Variants in JAM2 observed in about 807,000 individuals in gnomAD.
JAM2 encodes the protein junctional adhesion molecule 2.
JAM2 carries 17 observed loss-of-function variants against 42.0 expected under a neutral mutation model. The ratio of observed to expected loss-of-function variants is 0.40; its 90% CI spans 0.28 to 0.61. JAM2 has a LOEUF of 0.61. JAM2 is among the 20% of genes least tolerant of loss of function. The pLI is 0.37. For missense variants in JAM2, 319 were observed against 358.3 expected (o/e 0.89, Z 0.89); for synonymous variants, 118 against 128.6 (o/e 0.92, Z 0.56).
intron 7 of JAM2, 69 bp from the exon 8 acceptor site, chr21:25,709,365 A>C: frequency 1.2e-6 from 1 of 818,932 alleles, no homozygotes; most frequent in Admixed American, 2.2e-5. Flanking sequence ...ACCCAAACTC[A>C]TTTTTATATG....
At chr21:25,652,666 A>G (rs2032814409) in intron 1 of JAM2, among the ~76,000 whole-genome samples, 1 of 152,214 alleles carries the variant, frequency 6.6e-6, no homozygotes, top group Non-Finnish European at 1.5e-5. Context: ...TTTAGTGTAG[A>G]AAAAAGAGAT....
At chr21:25,695,498 C>G (rs554476720) in intron 4 of JAM2, among the ~76,000 whole-genome samples, 1 of 152,342 alleles carries the variant, frequency 6.6e-6, no homozygotes, top group South Asian at 2.1e-4. Flanking sequence ...GGGTACACCT[C>G]CCAGACGGGG....
At chr21:25,711,726 C>T (rs1437206154) in intron 8 of JAM2, among the ~76,000 whole-genome samples, 1 of 150,152 alleles carries the variant, frequency 6.7e-6, no homozygotes, top group Non-Finnish European at 1.5e-5. Flanking sequence ...TATTGAGTGA[C>T]ACGAAAAGTA....
At chr21:25,655,647 A>ATTT (rs536746237) in intron 1 of JAM2, among the ~76,000 whole-genome samples, 5 of 90,782 alleles carry the variant, frequency 5.5e-5, no homozygotes, top group Admixed American at 2.8e-4. Flanking sequence ...CGCCCAGCTA[A>ATTT]TTTTTTTTTT....
intron 4 of JAM2, among the ~76,000 whole-genome samples, chr21:25,695,890 C>T (rs2034009970): frequency 6.6e-6 from 1 of 151,962 alleles, no homozygotes; most frequent in African/African-American, 2.4e-5. Context: ...AAGAGGCGCT[C>T]CTCACTTCCC....
At chr21:25,668,958 G>A (rs565116279) in intron 1 of JAM2, among the ~76,000 whole-genome samples, 2 of 152,198 alleles carry the variant, frequency 1.3e-5, no homozygotes, top group Non-Finnish European at 2.9e-5. Context: ...ATGTTTTACA[G>A]AGGACGAGAC....
At chr21:25,657,613 G>C (rs1266216507) in intron 1 of JAM2, among the ~76,000 whole-genome samples, 1 of 152,098 alleles carries the variant, frequency 6.6e-6, no homozygotes, top group East Asian at 1.9e-4. Flanking sequence ...TGGAACTAGA[G>C]TTCCAATGGG....
intron 1 of JAM2, among the ~76,000 whole-genome samples, chr21:25,681,173 T>C (rs891540807): frequency 6.6e-6 from 1 of 152,220 alleles, no homozygotes; most frequent in African/African-American, 2.4e-5. Context: ...TCTTACATCA[T>C]GTATAATTTT....
chr21:25,696,192 C>A (rs558200319), intron 4 of JAM2, among the ~76,000 whole-genome samples: 15 of 152,322 alleles, frequency 9.8e-5, no homozygotes, highest in African/African-American at 3.4e-4. Context: ...TGGAGACCAG[C>A]CTGGCCAACA....
chr21:25,644,942 G>A (rs758566633), intron 1 of JAM2, among the ~76,000 whole-genome samples: 14 of 152,080 alleles, frequency 9.2e-5, no homozygotes, highest in Non-Finnish European at 1.3e-4. Flanking sequence ...ATGCAGTGGC[G>A]CAATCTCAGC....
chr21:25,657,796 G>A (rs1336509243), intron 1 of JAM2, among the ~76,000 whole-genome samples: 1 of 152,038 alleles, frequency 6.6e-6, no homozygotes, highest in Non-Finnish European at 1.5e-5. Flanking sequence ...CCATATTTTA[G>A]CCTGTTATAA....
rs2032807948 is a variant in JAM2, at chr21:25,652,416, A to T, written c.67+12528A>T. ...CTAAAAGAAAAAAAAAGAAATAAGGAAATGAACCTACTGTATATCAAATTA... is the reference window on the plus strand; with the variant it reads ...CTAAAAGAAAAAAAAAGAAATAAGGTAATGAACCTACTGTATATCAAATTA... On this transcript the variant is annotated intron_variant, in intron 1 of 9. Coordinates refer to ENST00000480456, the MANE Select transcript of JAM2 (RefSeq NM_021219.4). Among the ~76,000 whole-genome samples, 3 of 152,098 alleles carry T rather than the reference A, an allele frequency of 2.0e-5. No homozygotes were observed. In the South Asian group the frequency reaches 6.2e-4, roughly 32 times the overall value.
At position 25,716,069 on chromosome 21, in the gene JAM2, C is replaced by T. The variant is rs2034475631; in HGVS notation, c.*1397C>T. The T allele has an allele frequency of 6.7e-6, 1 of 150,002 alleles. No individual in the cohort carries two copies. The allele number at this position is 150,002 out of a possible 1,614,324, so 9.3% of individuals were successfully genotyped here. A position where few individuals can be genotyped will look rare whatever the true frequency, so the allele number is the denominator to read the frequency against. Reference sequence around the variant, plus strand: ...TGGCACAATCTTGGCTCACTGCAACCTCCGCCTCCCCTCCGCCTCCCAGAT... The same window carrying T: ...TGGCACAATCTTGGCTCACTGCAACTTCCGCCTCCCCTCCGCCTCCCAGAT... On this transcript the variant is annotated 3_prime_UTR_variant, in exon 10 of 10. Transcript: ENST00000480456.
chr21:25,699,398 A>G (rs1024987390), intron 5 of JAM2, among the ~76,000 whole-genome samples: 11 of 152,148 alleles, frequency 7.2e-5, no homozygotes, highest in African/African-American at 2.7e-4. Context: ...AAATACCTAG[A>G]CTACTGAGTA....
intron 1 of JAM2, among the ~76,000 whole-genome samples, chr21:25,667,778 G>C (rs1417708228): frequency 1.3e-5 from 2 of 151,792 alleles, no homozygotes; most frequent in African/African-American, 4.8e-5. Flanking sequence ...TTCGCCCTTG[G>C]GATTATTAAC....
chr21:25,715,128 CT>C lies in JAM2; in HGVS notation c.*457del. 1 of 153,168 alleles carries C rather than the reference CT, an allele frequency of 6.5e-6. No homozygotes were observed. Among genetic ancestry groups the C allele is most frequent in the South Asian group, 2.1e-4 (1 of 4,840 alleles). 9.5% of individuals were successfully genotyped at this position (153,168 alleles called of 1,614,324 possible). A position where few individuals can be genotyped will look rare whatever the true frequency, so the allele number is the denominator to read the frequency against. On this transcript the variant is annotated 3_prime_UTR_variant, in exon 10 of 10. Transcript: ENST00000480456. ...TTCTGCCAGAATCCTCTTTTCTCCC[CT>C]AATATCATCCTTATTCTGATGCTCG...
chr21:25,688,742 G>A (rs548205260), intron 2 of JAM2, among the ~76,000 whole-genome samples: 2 of 152,092 alleles, frequency 1.3e-5, no homozygotes, highest in South Asian at 4.1e-4. Flanking sequence ...TGTGTGGAAT[G>A]AAAAAAATTA....
chr21:25,714,097 A>G, intron 9 of JAM2: 7 of 1,114,566 alleles, frequency 6.3e-6, no homozygotes, highest in Non-Finnish European at 8.3e-6. Context: ...TCCTAACAGG[A>G]TTTGTCTGCC....
chr21:25,692,519 G>A, intron 3 of JAM2: 1 of 188,748 alleles, frequency 5.3e-6, no homozygotes, highest in Non-Finnish European at 1.1e-5. Flanking sequence ...AGTGGCCAGT[G>A]CCAGACAATC....
Sources: gnomAD v4.1 joint callset for allele counts (sites outside exome capture counted in the v4.1 genomes callset) on GRCh38, gnomAD v4.1.1 for gene constraint, MANE v1.5 for transcripts, NCBI Gene and HGNC (gene_info 2026-07-23, HGNC 2026-07-21) for gene names.